INTS11: variants seen among roughly 807,000 people sequenced by gnomAD.
The protein encoded by INTS11 is CPSF3-like protein.
INTS11 carries 77 observed loss-of-function variants against 78.6 expected under a neutral mutation model. That is an observed-to-expected ratio of 0.98 (90% CI 0.81 to 1.18). INTS11 has a LOEUF of 1.18. Ranked by LOEUF, INTS11 falls within the 50% of genes most tolerant of loss-of-function variation. The pLI, the probability that INTS11 is intolerant of heterozygous loss-of-function variation, is 0.00. For synonymous variants in INTS11, 441 were observed against 326.9 expected, an observed-to-expected ratio of 1.35 and a Z score of -3.77; for missense variants, 875 against 825.9, an observed-to-expected ratio of 1.06 and a Z score of -0.73.
chr1:1,314,306 G>A lies in INTS11; in HGVS notation c.762C>T (p.Thr254=). 6.3e-7 allele frequency: 1 copy of A among 1,599,962 alleles called. No individual in the cohort carries two copies. The highest frequency in any genetic ancestry group is 1.1e-5 in the South Asian group (1 of 88,808). The change falls in exon 8 of 17, where the codon ACC becomes ACT. Residue 254 remains threonine, a synonymous_variant. Transcript: ENST00000435064. This position sits in a 1 kb window ranked among gnomAD's most constrained non-coding sequence, Gnocchi z 4.2. The part of the protein sequence containing the change: ...RAQELCILLE[T]FWERMNLKVP... ...GCCGTCCTGGCGGCACCTACCAGAA[G>A]GTCTCCAGGAGGATGCAGAGCTCCT... is the stretch of plus-strand genomic sequence containing the variant.
At chr1:1,321,219 G>T in intron 1 of INTS11, 126 bp from the exon 2 acceptor site, 1 of 694,446 alleles carries the variant, frequency 1.4e-6, no homozygotes, top group Non-Finnish European at 2.5e-6. Context: ...CAGACACATG[G>T]GCCAAGAAGC....
In INTS11 at chr1:1,312,336, G is replaced by A. The variant is rs375280429; in HGVS notation, c.1497C>T (p.Leu499=). The A allele has an allele frequency of 1.0e-5, 16 of 1,559,952 alleles. No individual in the cohort carries two copies. The African/African-American group carries it at 2.0e-4, about 20-fold the overall frequency. Residue 499 remains leucine, a synonymous_variant, in exon 15 of 17, where the codon CTC becomes CTT. Coordinates refer to ENST00000435064, the MANE Select transcript of INTS11 (RefSeq NM_017871.6). ...GGTGCTCAGCCAGACCCAGCTCTTT[G>A]AGGGCTTGCTCTGAGGACACCAGCC... is the stretch of plus-strand genomic sequence containing the variant. ...NFRLVSSEQA[L]KELGLAEHQL...
intron 6 of INTS11, 131 bp downstream of exon 6, chr1:1,315,273 G>T: frequency 8.8e-7 from 1 of 1,132,700 alleles, no homozygotes; most frequent in Middle Eastern, 2.8e-4. Context: ...GAACGAAGGG[G>T]GCTCTCCAGG....
At chr1:1,318,784 G>T in intron 4 of INTS11, 1 of 552,726 alleles carries the variant, frequency 1.8e-6, no homozygotes, top group Admixed American at 3.6e-5. Flanking sequence ...GCAATACCCA[G>T]AGATTCGAGT....
intron 4 of INTS11, chr1:1,318,781 C>G: frequency 1.8e-6 from 1 of 551,822 alleles, no homozygotes; most frequent in Non-Finnish European, 3.3e-6. Flanking sequence ...AAAGCAATAC[C>G]CAGAGATTCG....
At position 1,312,888 on chromosome 1, in the gene INTS11, A is replaced by T. The variant is rs375310235; in HGVS notation, c.1193T>A (p.Ile398Asn). The change falls in exon 12 of 17, where the codon ATC (isoleucine) becomes AAC (asparagine). Residue 398 changes from isoleucine (I) to asparagine (N), a missense_variant. Coordinates refer to ENST00000435064, the MANE Select transcript of INTS11 (RefSeq NM_017871.6). ...SFSAHADAKG[I>N]MQLVGQAEPE... ...CTCTGCCTGGCCCACCAGCTGCATG[A>T]TGCCCTTGGCGTCCGCGTGTGCGCT... The T allele has an allele frequency of 2.5e-6, 4 of 1,612,466 alleles. No homozygotes were observed. Among genetic ancestry groups the T allele is most frequent in the Non-Finnish European group, 3.4e-6 (4 of 1,179,892 alleles).
At chr1:1,324,505 A>G in intron 1 of INTS11, 76 bp downstream of exon 1, 1 of 1,437,174 alleles carries the variant, frequency 7.0e-7, no homozygotes, top group Non-Finnish European at 9.5e-7. Context: ...GAGAAACGGG[A>G]GGGAGCGGGG....
Position 1,311,871 on chromosome 1 carries a change from C to T in INTS11, c.1791G>A (p.Gln597=). The change falls in exon 17 of 17, where the codon CAG becomes CAA. Residue 597 remains glutamine (Q), a synonymous_variant. Coordinates refer to ENST00000435064, the MANE Select transcript of INTS11 (RefSeq NM_017871.6). ...TGAGTTGCCGGCCTCAGCTGGGGGC[C>T]TGGGGGAGGCCCTTCTTCAGCAGAG... The part of the protein sequence containing the change: ...LTSLLKKGLP[Q]APS 1 of 1,560,426 alleles carries T rather than the reference C, an allele frequency of 6.4e-7. No individual in the cohort carries two copies. Among genetic ancestry groups the T allele is most frequent in the Non-Finnish European group, 8.7e-7 (1 of 1,152,986 alleles).
chr1:1,312,213 G>GCCGGGGCCCCCCCCCCCCCCCCC lies in INTS11; in HGVS notation c.1607+12_1607+13insGGGGGGGGGGGGGGGGGCCCCGG. On this transcript the variant is annotated intron_variant, in intron 15 of 16. Transcript: ENST00000435064. ...CCCAAGGGAGTGGGGGGGGGGCGGGGCCGGGCGCCCACCTCTTGAGGTGGC... is the reference window on the plus strand; with the variant it reads ...CCCAAGGGAGTGGGGGGGGGGCGGGGCCGGGGCCCCCCCCCCCCCCCCCCCGGGCGCCCACCTCTTGAGGTGGC... 3.2e-6 allele frequency: 3 copies of GCCGGGGCCCCCCCCCCCCCCCCC among 934,622 alleles called. No individual in the cohort carries two copies. Among genetic ancestry groups the GCCGGGGCCCCCCCCCCCCCCCCC allele is most frequent in the Admixed American group, 2.4e-5 (1 of 41,576 alleles). 57.9% of individuals were successfully genotyped at this position (934,622 alleles called of 1,614,324 possible).
At chr1:1,324,262 G>A (rs1025594243) in intron 1 of INTS11, among the ~76,000 whole-genome samples, 6 of 152,028 alleles carry the variant, frequency 3.9e-5, no homozygotes, top group African/African-American at 7.3e-5. Context: ...TAGGGCTGGA[G>A]GCGGCAGCGC....
chr1:1,313,878 G>A lies in INTS11; in HGVS notation c.811C>T (p.Leu271=). The A allele has an allele frequency of 6.2e-7, 1 of 1,613,170 alleles. No individual in the cohort carries two copies. The highest frequency in any genetic ancestry group is 8.5e-7 in the Non-Finnish European group (1 of 1,179,946). Residue 271 remains leucine, a synonymous_variant, in exon 9 of 17, where the codon CTG becomes TTG. Coordinates refer to ENST00000435064, the MANE Select transcript of INTS11 (RefSeq NM_017871.6). ...LKVPIYFSTG[L]TEKANHYYKL... ...TAGTAGTGGTTGGCCTTCTCGGTCA[G>A]CCCCGTGGAGAAGTAGATGGGCACC...
chr1:1,319,424 G>T lies in INTS11; in HGVS notation c.301C>A (p.Pro101Thr). The T allele has an allele frequency of 6.2e-7, 1 of 1,613,232 alleles. No homozygotes were observed. The highest frequency in any genetic ancestry group is 2.2e-5 in the East Asian group (1 of 44,876). The part of the protein sequence containing the change: ...YMTHPTQAIC[P>T]ILLEDYRKIA... Reference sequence around the variant, plus strand: ...TTGCGGTAGTCCTCCAGCAAGATGGGGCAGATGGCCTGGGTGGGGTGAGTC... The same window carrying T: ...TTGCGGTAGTCCTCCAGCAAGATGGTGCAGATGGCCTGGGTGGGGTGAGTC... Residue 101 changes from proline (P) to threonine (T), a missense_variant, in exon 4 of 17, where the codon CCC (proline) becomes ACC (threonine). Physicochemically the swap from Pro to Thr is conservative, Grantham distance 38 (BLOSUM62 -1). Coordinates refer to ENST00000435064, the MANE Select transcript of INTS11 (RefSeq NM_017871.6).
intron 1 of INTS11, chr1:1,323,106 G>C: frequency 6.5e-7 from 1 of 1,527,788 alleles, no homozygotes; most frequent in Non-Finnish European, 8.8e-7. Flanking sequence ...ATGCCATGGG[G>C]TGTGCACAGG....
rs1426005276 is a variant in INTS11 at position 1,312,287 on chromosome 1, G to A, written c.1546C>T (p.His516Tyr). 5 of 1,550,198 alleles carry A rather than the reference G, an allele frequency of 3.2e-6. No individual in the cohort carries two copies. The highest frequency in any genetic ancestry group is 3.9e-5 in the Admixed American group (2 of 51,010). ...EHQLRFTCRV[H>Y]LHDTRKEQET... ...TGCTCCTTGCGTGTGTCATGCAGGT[G>A]CACGCGGCAGGTGAAGCGCAGCTGG... is the stretch of plus-strand genomic sequence containing the variant. Residue 516 changes from histidine (H) to tyrosine (Y), a missense_variant, in exon 15 of 17, where the codon CAC becomes TAC. His to Tyr is a moderately conservative substitution (Grantham distance 83). Coordinates refer to ENST00000435064, the MANE Select transcript of INTS11 (RefSeq NM_017871.6).
At chr1:1,320,227 G>A (rs1055379550) in intron 3 of INTS11, 6 of 540,728 alleles carry the variant, frequency 1.1e-5, no homozygotes, top group African/African-American at 1.9e-5. Context: ...AAGCCTGGAG[G>A]GCCGGGTTCA....
intron 2 of INTS11, 140 bp from the exon 3 acceptor site, chr1:1,320,669 A>T (rs1642891986): frequency 1.2e-6 from 1 of 866,896 alleles, no homozygotes; most frequent in African/African-American, 1.6e-5. Context: ...CGCAGGTGGC[A>T]CCAGGACCCC....
chr1:1,315,690 C>T (rs1409271194), intron 4 of INTS11, 72 bp from the exon 5 acceptor site: 16 of 171,846 alleles, frequency 9.3e-5, no homozygotes, highest in Admixed American at 4.7e-4. Flanking sequence ...AGGCGGGGGA[C>T]GGGAAGCGCG....
intron 1 of INTS11, chr1:1,321,757 G>T: frequency 2.0e-6 from 1 of 495,126 alleles, no homozygotes; most frequent in Non-Finnish European, 3.5e-6. Flanking sequence ...CTGCCCAGCT[G>T]CTCCAGCCAG....
In INTS11 at chr1:1,312,853, C is replaced by G; in HGVS notation, c.1228G>C (p.Val410Leu). 5.6e-6 allele frequency: 9 copies of G among 1,612,182 alleles called. No individual in the cohort carries two copies. Among genetic ancestry groups the G allele is most frequent in the Non-Finnish European group, 6.8e-6 (8 of 1,179,842 alleles). Residue 410 changes from valine to leucine, a missense_variant, in exon 12 of 17, where the codon GTG (valine) becomes CTG (leucine). Physicochemically the swap from Val to Leu is conservative, Grantham distance 32. Transcript: ENST00000435064. ...QLVGQAEPES[V>L]LLVHGEAKKM... ...TTGGCCTCGCCATGCACCAGCAGCA[C>G]GCTCTCCGGCTCTGCCTGGCCCACC...
Sources: allele counts gnomAD v4.1 joint callset (sites outside exome capture counted in the v4.1 genomes callset), GRCh38; gene constraint gnomAD v4.1.1; non-coding constraint Gnocchi (gnomAD v3.1); transcripts MANE v1.5; gene names NCBI Gene and HGNC (gene_info 2026-07-23, HGNC 2026-07-21).